DPP10: variants seen among roughly 807,000 people sequenced by gnomAD.
DPP10 encodes the protein dipeptidyl peptidase like 10.
A neutral mutation model predicts 120.9 loss-of-function variants in DPP10; 33 were observed. The ratio of observed to expected loss-of-function variants is 0.27; its 90% confidence interval spans 0.21 to 0.37. The LOEUF is 0.37. DPP10 is among the 10% of genes least tolerant of loss of function. The pLI, the probability that DPP10 is intolerant of heterozygous loss-of-function variation, is 1.00. For missense variants in DPP10, 816 were observed against 942.8 expected (o/e 0.87, Z 1.76); for synonymous variants, 337 against 326.1 (o/e 1.03, Z -0.36).
chr2:115,094,423 T>C (rs1355315540), intron 1 of DPP10, among the ~76,000 whole-genome samples: 1 of 152,154 alleles, frequency 6.6e-6, no homozygotes, highest in Non-Finnish European at 1.5e-5. Flanking sequence ...CGGCAAACTT[T>C]CTCATTGATC....
intron 1 of DPP10, among the ~76,000 whole-genome samples, chr2:114,819,978 A>G (rs867358073): frequency 3.3e-5 from 5 of 152,226 alleles, no homozygotes; most frequent in Non-Finnish European, 5.9e-5. Context: ...TCAATAATCT[A>G]TGAATTATAC....
rs567750433 is a variant in DPP10, at chr2:115,235,852, C to T, written c.61-73387C>T. On this transcript the variant is annotated intron_variant, in intron 1 of 25. Coordinates refer to ENST00000410059, the MANE Select transcript of DPP10 (RefSeq NM_020868.6). ...CTGGGAATACAGACATGAGCCACTG[C>T]GCAGCCAAGCTGACGTTTCTTACAG... 7.9e-5 allele frequency among the ~76,000 whole-genome samples: 12 copies of T among 152,266 alleles called. No homozygotes were observed. The South Asian group carries it at 1.5e-3, about 18-fold the overall frequency.
intron 5 of DPP10, among the ~76,000 whole-genome samples, chr2:115,655,671 A>G (rs1432010581): frequency 6.6e-6 from 1 of 151,568 alleles, no homozygotes; most frequent in Admixed American, 6.6e-5. Context: ...TATAATTCTT[A>G]TTACTTATTT....
intron 5 of DPP10, among the ~76,000 whole-genome samples, chr2:115,614,744 C>A (rs1032940470): frequency 1.3e-5 from 2 of 152,126 alleles, no homozygotes; most frequent in African/African-American, 4.8e-5. Flanking sequence ...AAGAGACCTG[C>A]TAAAAGGCAA....
intron 3 of DPP10, among the ~76,000 whole-genome samples, chr2:115,371,447 A>G (rs1398225252): frequency 6.6e-6 from 1 of 152,160 alleles, no homozygotes; most frequent in African/African-American, 2.4e-5. Flanking sequence ...ATAAAACACC[A>G]CTTGAAGATC....
chr2:114,975,758 C>G (rs562493043), intron 1 of DPP10, among the ~76,000 whole-genome samples: 4 of 152,250 alleles, frequency 2.6e-5, no homozygotes, highest in African/African-American at 9.6e-5. Context: ...TCAAGCAATT[C>G]TCCTGCCTCA....
chr2:115,235,020 A>G (rs538564154), intron 1 of DPP10, among the ~76,000 whole-genome samples: 1 of 152,260 alleles, frequency 6.6e-6, no homozygotes, highest in Admixed American at 6.5e-5. Flanking sequence ...ACTTTTATCC[A>G]ACTTCTTTCT....
chr2:114,633,256 T>C (rs1695074412), intron 1 of DPP10, among the ~76,000 whole-genome samples: 1 of 131,038 alleles, frequency 7.6e-6, no homozygotes. Context: ...TTCTTTTTTT[T>C]TTTTTTTTTT....
chr2:115,719,367 A>T (rs1157804609), intron 7 of DPP10, among the ~76,000 whole-genome samples: 1 of 152,184 alleles, frequency 6.6e-6, no homozygotes, highest in African/African-American at 2.4e-5. Context: ...ATAATTGCAA[A>T]TGTCAAGGGA....
intron 5 of DPP10, among the ~76,000 whole-genome samples, chr2:115,689,403 T>C (rs2091184592): frequency 6.6e-6 from 1 of 152,158 alleles, no homozygotes; most frequent in South Asian, 2.1e-4. Context: ...TTGAACTTTA[T>C]TTTACAGGCA....
At chr2:114,533,035 A>G (rs963399928) in intron 1 of DPP10, among the ~76,000 whole-genome samples, 19 of 152,222 alleles carry the variant, frequency 1.2e-4, no homozygotes, top group African/African-American at 4.6e-4. Flanking sequence ...GATATTTATT[A>G]GCACATTGAC....
At chr2:114,679,937 G>T (rs1254412454) in intron 1 of DPP10, among the ~76,000 whole-genome samples, 1 of 151,946 alleles carries the variant, frequency 6.6e-6, no homozygotes, top group African/African-American at 2.4e-5. Flanking sequence ...ACAAAGTGCA[G>T]GATATAGGAA....
At chr2:115,587,341 G>A (rs185748146) in intron 5 of DPP10, among the ~76,000 whole-genome samples, 4 of 151,724 alleles carry the variant, frequency 2.6e-5, no homozygotes, top group South Asian at 2.1e-4. Context: ...CTCATGATCC[G>A]CCCGCCTCGG....
At chr2:115,257,710 C>T (rs2059066686) in intron 1 of DPP10, among the ~76,000 whole-genome samples, 1 of 152,046 alleles carries the variant, frequency 6.6e-6, no homozygotes, top group Non-Finnish European at 1.5e-5. Flanking sequence ...AAGTAGAAGC[C>T]CCCTTAGTTT....
intron 1 of DPP10, among the ~76,000 whole-genome samples, chr2:115,258,990 T>G (rs1413864548): frequency 6.6e-6 from 1 of 152,264 alleles, no homozygotes; most frequent in Non-Finnish European, 1.5e-5. Context: ...TGCAATGGCT[T>G]GAGCAAAGTT....
At chr2:114,823,153 G>A (rs1268096687) in intron 1 of DPP10, among the ~76,000 whole-genome samples, 1 of 152,136 alleles carries the variant, frequency 6.6e-6, no homozygotes, top group African/African-American at 2.4e-5. Flanking sequence ...ATTTATAAAG[G>A]AAAGATGTTT....
At chr2:114,911,683 A>T (rs751826701) in intron 1 of DPP10, among the ~76,000 whole-genome samples, 14 of 152,236 alleles carry the variant, frequency 9.2e-5, no homozygotes, top group Non-Finnish European at 1.8e-4. Context: ...TTATGCCAAA[A>T]GCACTATGTG....
At chr2:115,243,963 T>C (rs2058404878) in intron 1 of DPP10, among the ~76,000 whole-genome samples, 2 of 151,732 alleles carry the variant, frequency 1.3e-5, no homozygotes, top group African/African-American at 4.8e-5. Context: ...ATTTTTCTTG[T>C]TATTTTGAAA....
At chr2:115,077,963 C>A (rs553610891) in intron 1 of DPP10, among the ~76,000 whole-genome samples, 1 of 152,350 alleles carries the variant, frequency 6.6e-6, no homozygotes, top group East Asian at 1.9e-4. Flanking sequence ...TACTCTACAA[C>A]TATCAACCTA....
Sources: gnomAD v4.1 joint callset for allele counts (sites outside exome capture counted in the v4.1 genomes callset) on GRCh38, gnomAD v4.1.1 for gene constraint, MANE v1.5 for transcripts, NCBI Gene and HGNC (gene_info 2026-07-23, HGNC 2026-07-21) for gene names.